The following CNTNAP4 variants were observed in gnomAD, a reference collection of about 807,000 sequenced individuals.
CNTNAP4 encodes contactin associated protein family member 4, also known as contactin-associated protein-like 4.
A neutral mutation model predicts 148.4 loss-of-function variants in CNTNAP4; 98 were observed. The ratio of observed to expected loss-of-function variants is 0.66; its 90% CI spans 0.56 to 0.78. CNTNAP4 has a LOEUF of 0.78. Among genes scored for constraint, CNTNAP4 ranks in the 30% least tolerant of loss-of-function variants. The probability of loss-of-function intolerance (pLI) is 0.00; values close to 1 mark genes in which losing one functional copy is unlikely to be tolerated. For synonymous variants in CNTNAP4, 730 were observed against 565.1 expected, an observed-to-expected ratio of 1.29 and a Z score of -4.14; for missense variants, 1,935 against 1,565.6, an observed-to-expected ratio of 1.24 and a Z score of -3.98.
rs529956920 is a variant in CNTNAP4, at chr16:76,384,781, A to G, written c.390+29270A>G. Among the ~76,000 whole-genome samples, 8 of 152,358 alleles carry G rather than the reference A, an allele frequency of 5.3e-5. No homozygotes were observed. In the East Asian group the frequency reaches 1.4e-3, roughly 26 times the overall value. On this transcript the variant is annotated intron_variant, in intron 3 of 23. Coordinates refer to ENST00000611870, the MANE Select transcript of CNTNAP4 (RefSeq NM_033401.5). ...TACAAGCATATATAACACATTTTCAAATAAGCTTTTATTTTACTACAGTTA... is the reference window on the plus strand; with the variant it reads ...TACAAGCATATATAACACATTTTCAGATAAGCTTTTATTTTACTACAGTTA...
At chr16:76,394,152 T>C (rs1191271921) in intron 3 of CNTNAP4, among the ~76,000 whole-genome samples, 4 of 152,166 alleles carry the variant, frequency 2.6e-5, no homozygotes, top group East Asian at 1.9e-4. Flanking sequence ...ATTCAACTTA[T>C]CATTTGGCAT....
intron 11 of CNTNAP4, among the ~76,000 whole-genome samples, chr16:76,476,625 T>A (rs2081592644): frequency 6.6e-6 from 1 of 152,168 alleles, no homozygotes; most frequent in Non-Finnish European, 1.5e-5. Flanking sequence ...GCCAGCAGAT[T>A]AGGTGAGGGT....
chr16:76,326,758 T>C (rs995676000), intron 2 of CNTNAP4, among the ~76,000 whole-genome samples: 4 of 146,620 alleles, frequency 2.7e-5, no homozygotes, highest in Admixed American at 2.1e-4. Context: ...ATGAGAACAC[T>C]TGGACACAGG....
At chr16:76,380,378 C>T (rs922826417) in intron 3 of CNTNAP4, among the ~76,000 whole-genome samples, 1 of 152,172 alleles carries the variant, frequency 6.6e-6, no homozygotes, top group Non-Finnish European at 1.5e-5. Flanking sequence ...ATCAGTCTCT[C>T]AGTCTCATTG....
chr16:76,517,603 A>AGTGTTAGCATGTTATATG (rs2083297432), intron 15 of CNTNAP4, among the ~76,000 whole-genome samples: 1 of 152,250 alleles, frequency 6.6e-6, no homozygotes, highest in African/African-American at 2.4e-5. Flanking sequence ...TTTTAAAAGT[A>AGTGTTAGCATGTTATATG]CAATGTATTA....
At chr16:76,491,558 T>C (rs2082222415) in intron 13 of CNTNAP4, among the ~76,000 whole-genome samples, 2 of 152,122 alleles carry the variant, frequency 1.3e-5, no homozygotes, top group Admixed American at 1.3e-4. Flanking sequence ...ACATACACTG[T>C]TTAGTTTGTA....
At chr16:76,498,856 A>C (rs2082511939) in intron 15 of CNTNAP4, among the ~76,000 whole-genome samples, 162 bp downstream of exon 15, 1 of 152,198 alleles carries the variant, frequency 6.6e-6, no homozygotes, top group Admixed American at 6.5e-5. Flanking sequence ...TTTAGTAGTC[A>C]AATTCATAGA....
intron 23 of CNTNAP4, among the ~76,000 whole-genome samples, chr16:76,554,503 A>T (rs1200830783): frequency 6.6e-6 from 1 of 152,120 alleles, no homozygotes; most frequent in African/African-American, 2.4e-5. Flanking sequence ...TAACACAAAA[A>T]CTTTTAAAGT....
chr16:76,327,417 G>T (rs1188267030), intron 2 of CNTNAP4, among the ~76,000 whole-genome samples: 2 of 152,170 alleles, frequency 1.3e-5, no homozygotes, highest in African/African-American at 4.8e-5. Flanking sequence ...GTATTCCATG[G>T]TGTGTATATA....
rs1030626942 is a variant in CNTNAP4, at chr16:76,284,013, T to C, written c.85+6266T>C. On this transcript the variant is annotated intron_variant, in intron 1 of 23. Transcript: ENST00000611870. The stretch of plus-strand genomic sequence containing the variant: ...ATGAAATATTAAATCATGCAGACTT[T>C]GACCTGATTGTCTTCCATGCTCTAG... Among the ~76,000 whole-genome samples, 3 of 152,056 alleles carry C rather than the reference T, an allele frequency of 2.0e-5. No homozygotes were observed. In the East Asian group the frequency reaches 5.8e-4, roughly 29 times the overall value.
At chr16:76,375,192 C>T (rs1185504465) in intron 3 of CNTNAP4, among the ~76,000 whole-genome samples, 2 of 152,018 alleles carry the variant, frequency 1.3e-5, no homozygotes, top group South Asian at 2.1e-4. Context: ...GAGGTTGAGG[C>T]GGGTGGATAA....
intron 15 of CNTNAP4, among the ~76,000 whole-genome samples, chr16:76,509,949 A>G (rs2082949361): frequency 1.0e-5 from 1 of 96,192 alleles, no homozygotes; most frequent in African/African-American, 2.6e-5. Context: ...TATATTGTCT[A>G]TTGGGAACAG....
In CNTNAP4 at chr16:76,517,091, A is replaced by T. The variant is rs141424166; in HGVS notation, c.2366-4049A>T. Among the ~76,000 whole-genome samples the T allele has an allele frequency of 3.6e-3, 554 of 152,230 alleles. 4 individuals are homozygous for T. Among genetic ancestry groups the T allele is most frequent in the African/African-American group, 0.013 (525 of 41,516 alleles). On this transcript the variant is annotated intron_variant, in intron 15 of 23. Coordinates refer to ENST00000611870, the MANE Select transcript of CNTNAP4 (RefSeq NM_033401.5). ...AAAATGAGTAATTCTGATTTTTTTT[A>T]AAAGTAAGCCAGTCTCAAAAGACTG...
At chr16:76,313,121 C>T (rs1055703114) in intron 1 of CNTNAP4, among the ~76,000 whole-genome samples, 4 of 152,010 alleles carry the variant, frequency 2.6e-5, no homozygotes, top group Non-Finnish European at 5.9e-5. Context: ...GTAAAAAGTT[C>T]CCCTTCTTTT....
At chr16:76,375,550 A>G (rs1254474734) in intron 3 of CNTNAP4, among the ~76,000 whole-genome samples, 1 of 152,252 alleles carries the variant, frequency 6.6e-6, no homozygotes, top group African/African-American at 2.4e-5. Context: ...AGCACACAGT[A>G]GAACAAGGTT....
At chr16:76,419,345 A>G (rs1223078198) in intron 3 of CNTNAP4, among the ~76,000 whole-genome samples, 2 of 151,978 alleles carry the variant, frequency 1.3e-5, no homozygotes, top group African/African-American at 4.8e-5. Flanking sequence ...GCCCTTTGTT[A>G]TGAAGAAAAC....
At chr16:76,471,318 T>G (rs193110755) in intron 10 of CNTNAP4, among the ~76,000 whole-genome samples, 2 of 152,270 alleles carry the variant, frequency 1.3e-5, no homozygotes, top group East Asian at 3.9e-4. Flanking sequence ...AGACAACAAT[T>G]CTTACAAAGT....
At chr16:76,500,045 C>T (rs1191130074) in intron 15 of CNTNAP4, among the ~76,000 whole-genome samples, 1 of 152,194 alleles carries the variant, frequency 6.6e-6, no homozygotes, top group Non-Finnish European at 1.5e-5. Context: ...CCATCGTCAT[C>T]ATGGCCCGTT....
In CNTNAP4 at chr16:76,559,397, C is replaced by A. The variant is rs138448819; in HGVS notation, c.*714C>A. Among the ~76,000 whole-genome samples, 906 of 144,522 alleles carry A rather than the reference C, an allele frequency of 6.3e-3. 13 individuals are homozygous for A. The highest frequency in any genetic ancestry group is 0.02 in the African/African-American group (844 of 41,288). 94.8% of individuals were successfully genotyped at this position (144,522 alleles called of 152,430 possible). Reference sequence around the variant, plus strand: ...TGCAGTGGTTGTTAGTATGTAATGTCTTTCCTTTTAAAAAAAGTTTTCCAA... The same window carrying A: ...TGCAGTGGTTGTTAGTATGTAATGTATTTCCTTTTAAAAAAAGTTTTCCAA... On this transcript the variant is annotated 3_prime_UTR_variant, in exon 24 of 24. Transcript: ENST00000611870.
Sources: gnomAD v4.1 joint callset for allele counts (sites outside exome capture counted in the v4.1 genomes callset) on GRCh38, gnomAD v4.1.1 for gene constraint, MANE v1.5 for transcripts, NCBI Gene and HGNC (gene_info 2026-07-23, HGNC 2026-07-21) for gene names.